The following ITGA5 variants were observed in gnomAD, a reference collection of about 807,000 sequenced individuals.
ITGA5 encodes the protein integrin alpha-5.
Under a neutral mutation model 146.3 loss-of-function variants are expected in ITGA5, and 55 were observed. That is an observed-to-expected ratio of 0.38 (90% confidence interval 0.30 to 0.47). The LOEUF is 0.47. ITGA5 is among the 20% of genes least tolerant of loss of function. The probability of loss-of-function intolerance (pLI) is 0.99; values close to 1 mark genes in which losing one functional copy is unlikely to be tolerated. For missense variants in ITGA5, 1,131 were observed against 1,329.0 expected, an observed-to-expected ratio of 0.85 and a Z score of 2.32; for synonymous variants, 500 against 531.8, an observed-to-expected ratio of 0.94 and a Z score of 0.82.
intron 1 of ITGA5, among the ~76,000 whole-genome samples, chr12:54,413,971 G>A (rs1461308561): frequency 2.0e-5 from 3 of 152,230 alleles, no homozygotes; most frequent in Non-Finnish European, 2.9e-5. Context: ...CTCCTGGGGT[G>A]GCCTGAGGAA....
intron 13 of ITGA5, 49 bp from the exon 14 acceptor site, chr12:54,404,524 T>G (rs1955834665): frequency 3.1e-6 from 5 of 1,603,796 alleles, no homozygotes; most frequent in Non-Finnish European, 3.4e-6. Flanking sequence ...CAGATCAGGA[T>G]CCTTTCTTCC....
At chr12:54,408,026 A>C in intron 7 of ITGA5, 84 bp downstream of exon 7, 4 of 1,568,796 alleles carry the variant, frequency 2.5e-6, no homozygotes, top group Non-Finnish European at 3.5e-6. Context: ...ATGCCTGAGT[A>C]GGAGAGGGGA....
Position 54,418,969 on chromosome 12 carries a change from C to G in ITGA5, c.218+12G>C. On this transcript the variant is annotated intron_variant, in intron 1 of 29. Coordinates refer to ENST00000293379, the MANE Select transcript of ITGA5 (RefSeq NM_002205.5). Reference sequence around the variant, plus strand: ...CCCCACCCCCATCCCGTCTCCAGCCCTCCTCACTCACCCGTCTGTTCCCGG... The same window carrying G: ...CCCCACCCCCATCCCGTCTCCAGCCGTCCTCACTCACCCGTCTGTTCCCGG... The G allele has an allele frequency of 1.9e-6, 3 of 1,610,892 alleles. No individual in the cohort carries two copies. The highest frequency in any genetic ancestry group is 2.5e-6 in the Non-Finnish European group (3 of 1,179,232).
At chr12:54,412,111 C>T in intron 1 of ITGA5, 147 bp from the exon 2 acceptor site, 1 of 584,876 alleles carries the variant, frequency 1.7e-6, no homozygotes, top group Admixed American at 4.0e-5. Context: ...CAGAAGATGC[C>T]ACAGATGCCA....
chr12:54,405,310 C>T lies in ITGA5; in HGVS notation c.1081G>A (p.Glu361Lys). The T allele has an allele frequency of 6.2e-7, 1 of 1,613,296 alleles. No homozygotes were observed. The highest frequency in any genetic ancestry group is 8.5e-7 in the Non-Finnish European group (1 of 1,179,874). Reference protein sequence around the residue: ...MDRTPDGRPQEVGRVYVYLQH... With the variant: ...MDRTPDGRPQKVGRVYVYLQH... ...AGGTAGACGTAGACCCTGCCCACCTCCTGAGGCCGCCCGTCAGGGGTCCGA... is the reference window on the plus strand; with the variant it reads ...AGGTAGACGTAGACCCTGCCCACCTTCTGAGGCCGCCCGTCAGGGGTCCGA... Residue 361 changes from glutamate to lysine, a missense_variant, in exon 12 of 30, where the codon GAG becomes AAG. By Grantham distance (56) the Glu-to-Lys change is moderately conservative. This residue lies in a region of ITGA5 where 889 missense variants were observed against 1,021.5 expected (regional missense o/e 0.87). Transcript: ENST00000293379.
chr12:54,419,064 G>C lies in ITGA5; in HGVS notation c.135C>G (p.Asp45Glu), dbSNP rs746283646. Residue 45 changes from aspartate (D) to glutamate (E), a missense_variant, in exon 1 of 30, where the codon GAC becomes GAG. Physicochemically the swap from Asp to Glu is conservative, Grantham distance 45. Around this residue, in one of 3 missense-constraint regions of ITGA5, gnomAD observed 175 missense variants for 179.3 expected, o/e 0.98. Coordinates refer to ENST00000293379, the MANE Select transcript of ITGA5 (RefSeq NM_002205.5). ...PPPRVGGFNL[D>E]AEAPAVLSGP... The stretch of plus-strand genomic sequence containing the variant: ...CCGAGAGTACTGCTGGGGCCTCCGC[G>C]TCTAAGTTGAAGCCCCCGACCCTGG... The C allele has an allele frequency of 6.3e-7, 1 of 1,584,012 alleles. No individual in the cohort carries two copies. The highest frequency in any genetic ancestry group is 8.6e-7 in the Non-Finnish European group (1 of 1,169,048).
intron 28 of ITGA5, among the ~76,000 whole-genome samples, chr12:54,397,715 C>G (rs1223533302): frequency 9.9e-5 from 15 of 152,120 alleles, no homozygotes; most frequent in Admixed American, 9.8e-4. Context: ...AACTGGGCCT[C>G]CAGGATCAGG....
chr12:54,412,906 C>T (rs1037558842), intron 1 of ITGA5, among the ~76,000 whole-genome samples: 1 of 152,184 alleles, frequency 6.6e-6, no homozygotes, highest in African/African-American at 2.4e-5. Flanking sequence ...GGCAACTCGA[C>T]CCAGCCTCTG....
At chr12:54,397,279 T>C (rs1315249914) in intron 29 of ITGA5, 86 bp downstream of exon 29, 4 of 1,489,796 alleles carry the variant, frequency 2.7e-6, no homozygotes, top group Non-Finnish European at 3.7e-6. Context: ...GGTGAACTGG[T>C]CTAGAGGTAG....
Position 54,409,611 on chromosome 12 carries a change from G to A in ITGA5, c.350-14C>T, listed in dbSNP as rs190288812. The A allele has an allele frequency of 2.1e-3, 3,274 of 1,571,998 alleles. 92 individuals are homozygous for A. The Admixed American group carries it at 0.051, about 24-fold the overall frequency. On this transcript the variant is annotated splice_polypyrimidine_tract_variant and intron_variant, in intron 2 of 29. Coordinates refer to ENST00000293379, the MANE Select transcript of ITGA5 (RefSeq NM_002205.5). This position sits in a 1 kb window ranked among gnomAD's most constrained non-coding sequence, Gnocchi z 4.7. ...GGAGCCGAGAGCCTTGTGGAAGTGA[G>A]AAGGGGGAGTCTTACTGAGCCATGG...
Position 54,416,054 on chromosome 12 carries a change from T to G in ITGA5, c.218+2927A>C, listed in dbSNP as rs193232594. Among the ~76,000 whole-genome samples, 20 of 152,266 alleles carry G rather than the reference T, an allele frequency of 1.3e-4. No homozygotes were observed. The highest frequency in any genetic ancestry group is 4.1e-4 in the African/African-American group (17 of 41,546). Reference sequence around the variant, plus strand: ...ACTCCTGAAGCCTCAGTTGTTTTTATTTTTTGTTTGTTTGTTGTTGTTTTT... The same window carrying G: ...ACTCCTGAAGCCTCAGTTGTTTTTAGTTTTTGTTTGTTTGTTGTTGTTTTT... On this transcript the variant is annotated intron_variant, in intron 1 of 29. Coordinates refer to ENST00000293379, the MANE Select transcript of ITGA5 (RefSeq NM_002205.5). The surrounding 1 kb of genome is among the most constrained non-coding windows in gnomAD (Gnocchi z 4.1).
Position 54,402,179 on chromosome 12 carries a change from C to G in ITGA5, c.2133+1G>C. On this transcript the variant is annotated splice_donor_variant, in intron 20 of 29. Coordinates refer to ENST00000293379, the MANE Select transcript of ITGA5 (RefSeq NM_002205.5). LOFTEE classifies it high-confidence loss of function. ...AATCCCACTCGAGAGTCTCATCTCACCCCTGGGTGTCTGACGAGTCCTGAG... is the reference window on the plus strand; with the variant it reads ...AATCCCACTCGAGAGTCTCATCTCAGCCCTGGGTGTCTGACGAGTCCTGAG... 1 of 1,613,374 alleles carries G rather than the reference C, an allele frequency of 6.2e-7. No homozygotes were observed. Among genetic ancestry groups the G allele is most frequent in the Non-Finnish European group, 8.5e-7 (1 of 1,179,434 alleles).
intron 2 of ITGA5, 53 bp downstream of exon 2, chr12:54,411,780 GC>G: frequency 4.2e-6 from 4 of 953,860 alleles, no homozygotes; most frequent in South Asian, 2.0e-5. Flanking sequence ...CCCAGGCCTT[GC>G]CCCCAGGCTG....
intron 25 of ITGA5, 84 bp from the exon 26 acceptor site, chr12:54,400,031 C>T (rs1955768239): frequency 5.5e-6 from 5 of 908,800 alleles, no homozygotes; most frequent in Non-Finnish European, 9.2e-6. Flanking sequence ...GCAGCTTCAA[C>T]CTATTCTTTC....
chr12:54,418,899 G>T (rs1956042371), intron 1 of ITGA5, 82 bp downstream of exon 1: 1 of 1,483,600 alleles, frequency 6.7e-7, no homozygotes, highest in South Asian at 1.2e-5. Flanking sequence ...CTTAAGCCCT[G>T]GTCCCCTCCA....
intron 28 of ITGA5, among the ~76,000 whole-genome samples, chr12:54,398,023 G>A (rs542866121): frequency 7.9e-5 from 12 of 151,498 alleles, no homozygotes; most frequent in Admixed American, 5.9e-4. Context: ...TCAGCCTCCC[G>A]AGTAGCTGGG....
At chr12:54,411,114 G>A (rs1398129003) in intron 2 of ITGA5, among the ~76,000 whole-genome samples, 1 of 151,826 alleles carries the variant, frequency 6.6e-6, no homozygotes, top group Non-Finnish European at 1.5e-5. Context: ...CTCCTGCCTC[G>A]GCCTCCCAAA....
Position 54,398,906 on chromosome 12 carries a change from C to T in ITGA5, c.2842-208G>A, listed in dbSNP as rs1211188956. 3 of 437,478 alleles carry T rather than the reference C, an allele frequency of 6.9e-6. No individual in the cohort carries two copies. In the East Asian group the frequency reaches 1.3e-4, roughly 19 times the overall value. 27.1% of individuals were successfully genotyped at this position (437,478 alleles called of 1,614,324 possible). ...CCAGGCTGGAGTGCAGTGGTGTGGG[C>T]TTAGGTCACTGCAACCTCCACCTCC... is the stretch of plus-strand genomic sequence containing the variant. On this transcript the variant is annotated intron_variant, in intron 27 of 29. Transcript: ENST00000293379.
chr12:54,416,746 G>A lies in ITGA5; in HGVS notation c.218+2235C>T, dbSNP rs540460366. Among the ~76,000 whole-genome samples, 5 of 152,298 alleles carry A rather than the reference G, an allele frequency of 3.3e-5. No homozygotes were observed. The highest frequency in any genetic ancestry group is 2.0e-4 in the Admixed American group (3 of 15,302). On this transcript the variant is annotated intron_variant, in intron 1 of 29. Coordinates refer to ENST00000293379, the MANE Select transcript of ITGA5 (RefSeq NM_002205.5). The surrounding 1 kb of genome is among the most constrained non-coding windows in gnomAD (Gnocchi z 4.1). ...CAAGAGCTTAAATACCTCTCCCTAG[G>A]TACTAGGGTACCACGCAAAAAACTA...
Sources: gnomAD v4.1 joint callset for allele counts (sites outside exome capture counted in the v4.1 genomes callset) on GRCh38, gnomAD v4.1.1 for gene constraint, gnomAD v4.1.1 regional missense constraint, Gnocchi (gnomAD v3.1) non-coding constraint, MANE v1.5 for transcripts, NCBI Gene and HGNC (gene_info 2026-07-23, HGNC 2026-07-21) for gene names.